The following PARPBP variants were observed in gnomAD, a reference collection of about 807,000 sequenced individuals.
PARPBP encodes the protein PCNA-interacting partner.
A neutral mutation model predicts 50.0 loss-of-function variants in PARPBP; 52 were observed. The observed-to-expected ratio is 1.04, with a 90% CI of 0.83 to 1.31. The LOEUF is 1.31. Among genes scored for constraint, PARPBP ranks in the 50% most tolerant of loss-of-function variants. The pLI is 0.00. For missense variants in PARPBP, 697 were observed against 672.0 expected, an observed-to-expected ratio of 1.04 and a Z score of -0.41; for synonymous variants, 244 against 232.1, an observed-to-expected ratio of 1.05 and a Z score of -0.47.
chr12:102,195,464 G>A lies in PARPBP; in HGVS notation c.1399+17G>A, dbSNP rs746245598. The A allele has an allele frequency of 1.9e-6, 3 of 1,559,306 alleles. No homozygotes were observed. ...ACCTTTCTGGTAATTGACCTTATTT[G>A]TGCAATTAAATAACAATTTAATTCT... On this transcript the variant is annotated intron_variant, in intron 10 of 10. Transcript: ENST00000327680.
At chr12:102,151,321 G>A (rs1886167782) in intron 3 of PARPBP, among the ~76,000 whole-genome samples, 1 of 152,192 alleles carries the variant, frequency 6.6e-6, no homozygotes, top group African/African-American at 2.4e-5. Context: ...CTCTGGGATG[G>A]GGGGATGGCA....
intron 5 of PARPBP, 142 bp downstream of exon 5, chr12:102,164,750 A>T: frequency 1.4e-6 from 1 of 712,860 alleles, no homozygotes; most frequent in Non-Finnish European, 2.4e-6. Flanking sequence ...ATGGTATTTT[A>T]ATTTTTTACC....
chr12:102,144,471 A>G (rs1885093774), intron 2 of PARPBP, among the ~76,000 whole-genome samples: 1 of 152,198 alleles, frequency 6.6e-6, no homozygotes, highest in African/African-American at 2.4e-5. Context: ...ATAATAGAAT[A>G]TGCTGTCATG....
intron 3 of PARPBP, chr12:102,151,760 AGAGAC>A: frequency 2.6e-6 from 4 of 1,535,680 alleles, no homozygotes; most frequent in Non-Finnish European, 3.5e-6. Flanking sequence ...GTCCAGAAGA[AGAGAC>A]GAGACCTGAA....
intron 2 of PARPBP, among the ~76,000 whole-genome samples, chr12:102,141,197 T>A (rs1884531440): frequency 6.6e-6 from 1 of 152,234 alleles, no homozygotes; most frequent in Non-Finnish European, 1.5e-5. Flanking sequence ...TTTAGGATAG[T>A]TAGCTCTTCT....
chr12:102,151,901 C>A (rs150925089), intron 3 of PARPBP: 44 of 822,896 alleles, frequency 5.3e-5, no homozygotes, highest in Non-Finnish European at 7.7e-5. Flanking sequence ...ACCCAAGGAG[C>A]TTCAGTTTAA....
chr12:102,177,488 A>G (rs1889393213), intron 7 of PARPBP, among the ~76,000 whole-genome samples: 1 of 152,106 alleles, frequency 6.6e-6, no homozygotes, highest in Non-Finnish European at 1.5e-5. Context: ...GTATCTATAC[A>G]TAATATTTTA....
intron 6 of PARPBP, among the ~76,000 whole-genome samples, chr12:102,171,555 T>TA (rs1888733180): frequency 1.3e-5 from 2 of 152,286 alleles, no homozygotes; most frequent in South Asian, 4.1e-4. Flanking sequence ...CTCCTAATGT[T>TA]AAAGTTTTTC....
chr12:102,181,749 A>C (rs1889840328), intron 8 of PARPBP, among the ~76,000 whole-genome samples: 1 of 152,184 alleles, frequency 6.6e-6, no homozygotes, highest in Non-Finnish European at 1.5e-5. Context: ...TCAGGCTGTT[A>C]GAACAAAACA....
At chr12:102,189,866 G>C (rs79342558) in intron 9 of PARPBP, among the ~76,000 whole-genome samples, 5,416 of 152,126 alleles carry the variant, frequency 0.036, 385 homozygotes, top group East Asian at 0.29. Flanking sequence ...AAAAGTAAAC[G>C]GTGGAAATTA....
chr12:102,143,840 T>A (rs1885000374), intron 2 of PARPBP, among the ~76,000 whole-genome samples: 1 of 152,178 alleles, frequency 6.6e-6, no homozygotes, highest in South Asian at 2.1e-4. Context: ...ATAAAACAGA[T>A]GAAGGTATTA....
intron 2 of PARPBP, among the ~76,000 whole-genome samples, chr12:102,130,650 T>C (rs1387321012): frequency 2.6e-5 from 4 of 151,946 alleles, no homozygotes; most frequent in African/African-American, 9.7e-5. Context: ...GGTCAGGAGT[T>C]GAAGACCAGC....
intron 3 of PARPBP, chr12:102,151,807 C>G: frequency 1.3e-6 from 2 of 1,531,384 alleles, no homozygotes; most frequent in Non-Finnish European, 1.7e-6. Context: ...GCAAGTGAGA[C>G]AATGGGAAAG....
intron 9 of PARPBP, among the ~76,000 whole-genome samples, chr12:102,183,614 A>G (rs1325049729): frequency 3.3e-5 from 5 of 152,198 alleles, no homozygotes; most frequent in Admixed American, 6.5e-5. Context: ...ATTTGCAATC[A>G]AGGGATAAGA....
At chr12:102,152,948 A>AT (rs1886405893) in intron 3 of PARPBP, among the ~76,000 whole-genome samples, 1 of 150,192 alleles carries the variant, frequency 6.7e-6, no homozygotes, top group Admixed American at 6.6e-5. Flanking sequence ...AAAAAAAAAA[A>AT]GGAAAAAGAG....
intron 2 of PARPBP, among the ~76,000 whole-genome samples, chr12:102,130,722 G>C (rs568206483): frequency 3.2e-4 from 48 of 151,842 alleles, no homozygotes; most frequent in African/African-American, 1.1e-3. Flanking sequence ...GGGCATGGGG[G>C]CAGACGCCTG....
chr12:102,159,363 G>T (rs750038816), intron 4 of PARPBP, among the ~76,000 whole-genome samples: 8 of 152,124 alleles, frequency 5.3e-5, no homozygotes, highest in Non-Finnish European at 8.8e-5. Flanking sequence ...TCCTGATCTC[G>T]TGATCCACCC....
intron 4 of PARPBP, among the ~76,000 whole-genome samples, chr12:102,163,967 AG>A (rs201145511): frequency 6.6e-6 from 1 of 152,030 alleles, no homozygotes; most frequent in East Asian, 1.9e-4. Flanking sequence ...TACCTTGAGT[AG>A]GGGGGGCACA....
intron 2 of PARPBP, among the ~76,000 whole-genome samples, chr12:102,134,944 C>G (rs1883400858): frequency 6.6e-6 from 1 of 152,156 alleles, no homozygotes; most frequent in African/African-American, 2.4e-5. Context: ...TCCCAAAGTG[C>G]TGGGATTACA....
Sources: gnomAD v4.1 joint callset for allele counts (sites outside exome capture counted in the v4.1 genomes callset) on GRCh38, gnomAD v4.1.1 for gene constraint, MANE v1.5 for transcripts, NCBI Gene and HGNC (gene_info 2026-07-23, HGNC 2026-07-21) for gene names.